The following BRSK2 variants were observed in gnomAD, a reference collection of about 807,000 sequenced individuals.
The protein encoded by BRSK2 is BR serine/threonine kinase 2.
Under a neutral mutation model 83.3 loss-of-function variants are expected in BRSK2, and 19 were observed. That is an observed-to-expected ratio of 0.23 (90% CI 0.16 to 0.33). The LOEUF is 0.33. BRSK2 is among the 10% of genes least tolerant of loss of function. The pLI is 1.00. For synonymous variants in BRSK2, 519 were observed against 435.4 expected, an observed-to-expected ratio of 1.19 and a Z score of -2.39; for missense variants, 798 against 1,042.3, an observed-to-expected ratio of 0.77 and a Z score of 3.23.
chr11:1,461,214 C>T lies in BRSK2; in HGVS notation c.*491C>T. 3.1e-6 allele frequency: 2 copies of T among 636,730 alleles called. No individual in the cohort carries two copies. Among genetic ancestry groups the T allele is most frequent in the Non-Finnish European group, 5.2e-6 (2 of 385,448 alleles). The allele number at this position is 636,730 out of a possible 1,614,324, so 39.4% of individuals were successfully genotyped here. A position where few individuals can be genotyped will look rare whatever the true frequency, so the allele number is the denominator to read the frequency against. On this transcript the variant is annotated 3_prime_UTR_variant, in exon 20 of 20. Coordinates refer to ENST00000528841, the MANE Select transcript of BRSK2 (RefSeq NM_001256627.2). ...CCGGACTCCCGGTCACCTGACCCCT[C>T]AGCAAGAACAGCCTGCCTGGTGGCC...
chr11:1,425,881 C>T (rs953391173), intron 1 of BRSK2, among the ~76,000 whole-genome samples: 1 of 152,068 alleles, frequency 6.6e-6, no homozygotes, highest in African/African-American at 2.4e-5. Context: ...GTGGGGGGAA[C>T]GCTGAGTTTC....
At chr11:1,458,154 G>C (rs1464583331) in intron 18 of BRSK2, among the ~76,000 whole-genome samples, 1 of 152,098 alleles carries the variant, frequency 6.6e-6, no homozygotes. Context: ...CGGGCCCCGG[G>C]GTACTGCCCA....
chr11:1,390,239 T>A lies in BRSK2; in HGVS notation c.-46T>A. 4 of 966,228 alleles carry A rather than the reference T, an allele frequency of 4.1e-6. No homozygotes were observed. The highest frequency in any genetic ancestry group is 4.9e-6 in the Non-Finnish European group (4 of 808,228). The allele number at this position is 966,228 out of a possible 1,614,324, so 59.9% of individuals were successfully genotyped here. ...GGGCGGACGCTGGGCGGCCCCTCCC[T>A]GCCCGCGCGCCCGGGCGCCCCTGGC... On this transcript the variant is annotated 5_prime_UTR_variant, in exon 1 of 20. Coordinates refer to ENST00000528841, the MANE Select transcript of BRSK2 (RefSeq NM_001256627.2). The surrounding 1 kb of genome is among the most constrained non-coding windows in gnomAD (Gnocchi z 6.8).
Position 1,390,327 on chromosome 11 carries a change from T to C in BRSK2, c.43T>C (p.Tyr15His). ...GGACGGCGGCGCGCAGCACGCGCAG[T>C]ATGTTGGGCCCTACCGGCTGGAGAA... Reference protein sequence around the residue: ...GKDGGAQHAQYVGPYRLEKTL... With the variant: ...GKDGGAQHAQHVGPYRLEKTL... Residue 15 changes from tyrosine to histidine, a missense_variant, in exon 1 of 20, where the codon TAT becomes CAT. Coordinates refer to ENST00000528841, the MANE Select transcript of BRSK2 (RefSeq NM_001256627.2). The surrounding 1 kb of genome is among the most constrained non-coding windows in gnomAD (Gnocchi z 6.8). 1 of 1,051,582 alleles carries C rather than the reference T, an allele frequency of 9.5e-7. No individual in the cohort carries two copies. The highest frequency in any genetic ancestry group is 4.2e-5 in the South Asian group (1 of 23,628). 65.1% of individuals were successfully genotyped at this position (1,051,582 alleles called of 1,614,324 possible). A position where few individuals can be genotyped will look rare whatever the true frequency, so the allele number is the denominator to read the frequency against.
chr11:1,450,237 T>A (rs1845648246), intron 13 of BRSK2, among the ~76,000 whole-genome samples: 1 of 151,634 alleles, frequency 6.6e-6, no homozygotes, highest in African/African-American at 2.4e-5. Flanking sequence ...AGGAAGCTTG[T>A]CCTGCCCCCA....
intron 1 of BRSK2, among the ~76,000 whole-genome samples, chr11:1,427,295 G>A (rs1040952759): frequency 5.0e-4 from 76 of 152,164 alleles, no homozygotes; most frequent in Non-Finnish European, 1.9e-4. Context: ...CTGCTGCCTC[G>A]CCCGGCCCAG....
chr11:1,404,846 G>T (rs1465885703), intron 1 of BRSK2, among the ~76,000 whole-genome samples: 2 of 152,258 alleles, frequency 1.3e-5, no homozygotes, highest in Middle Eastern at 3.4e-3. Flanking sequence ...CAGGCTCGCC[G>T]GGCTGGGGGC....
intron 13 of BRSK2, among the ~76,000 whole-genome samples, chr11:1,450,360 G>A (rs888506948): frequency 1.2e-4 from 18 of 152,032 alleles, no homozygotes; most frequent in East Asian, 3.9e-4. Context: ...GCCGCCCTGC[G>A]GCCCGACCCC....
chr11:1,408,967 G>GGTGTGT (rs149657655), intron 1 of BRSK2, among the ~76,000 whole-genome samples: 8 of 120,906 alleles, frequency 6.6e-5, no homozygotes, highest in Non-Finnish European at 1.2e-4. Flanking sequence ...TGCCTGTGCA[G>GGTGTGT]GTGTGTGTGT....
chr11:1,414,109 A>G (rs552961290), intron 1 of BRSK2, among the ~76,000 whole-genome samples: 17 of 152,384 alleles, frequency 1.1e-4, no homozygotes, highest in Middle Eastern at 3.4e-3. Context: ...GCCTTCAAAC[A>G]TAAAGATATT....
rs1846274981 is a variant in BRSK2, at chr11:1,454,795, A to AG, written c.1668+191dup. Among the ~76,000 whole-genome samples, 1 of 152,024 alleles carries AG rather than the reference A, an allele frequency of 6.6e-6. No individual in the cohort carries two copies. Among genetic ancestry groups the AG allele is most frequent in the South Asian group, 2.1e-4 (1 of 4,826 alleles). ...TCTCTCCTGCCCACCCTCGTGAGGG[A>AG]GGGGTCACTGCCCATCTGGGGTGCT... is the stretch of plus-strand genomic sequence containing the variant. On this transcript the variant is annotated intron_variant, in intron 16 of 19. Transcript: ENST00000528841. This position sits in a 1 kb window ranked among gnomAD's most constrained non-coding sequence, Gnocchi z 5.2.
chr11:1,456,034 T>A (rs1846485863), intron 16 of BRSK2, among the ~76,000 whole-genome samples: 1 of 152,116 alleles, frequency 6.6e-6, no homozygotes, highest in Non-Finnish European at 1.5e-5. Flanking sequence ...AGGGGTCACC[T>A]TCCACCTCCA....
rs563492772 is a variant in BRSK2 at position 1,438,878 on chromosome 11, C to T, written c.272+487C>T. On this transcript the variant is annotated intron_variant, in intron 3 of 19. Coordinates refer to ENST00000528841, the MANE Select transcript of BRSK2 (RefSeq NM_001256627.2). This position sits in a 1 kb window ranked among gnomAD's most constrained non-coding sequence, Gnocchi z 6.4. ...GTGGCTGAAAGTGTCACCTCCGCAG[C>T]CGCTGAGGCCAGCAGAAATCCCTAC... is the stretch of plus-strand genomic sequence containing the variant. Among the ~76,000 whole-genome samples, 2 of 152,320 alleles carry T rather than the reference C, an allele frequency of 1.3e-5. No individual in the cohort carries two copies. The highest frequency in any genetic ancestry group is 4.8e-5 in the African/African-American group (2 of 41,572).
intron 1 of BRSK2, among the ~76,000 whole-genome samples, chr11:1,429,477 C>T (rs1242195669): frequency 1.3e-5 from 2 of 152,198 alleles, no homozygotes; most frequent in East Asian, 1.9e-4. Flanking sequence ...CGTGGCCACA[C>T]GTGCTGTCCC....
At position 1,438,441 on chromosome 11, in the gene BRSK2, C is replaced by T. The variant is rs374449833; in HGVS notation, c.272+50C>T. 2.2e-5 allele frequency: 34 copies of T among 1,549,314 alleles called. No homozygotes were observed. The highest frequency in any genetic ancestry group is 8.4e-5 in the Admixed American group (5 of 59,752). On this transcript the variant is annotated intron_variant, in intron 3 of 19. Coordinates refer to ENST00000528841, the MANE Select transcript of BRSK2 (RefSeq NM_001256627.2). This position sits in a 1 kb window ranked among gnomAD's most constrained non-coding sequence, Gnocchi z 6.4. Reference sequence around the variant, plus strand: ...CTGGGGTGGCGGAGGTGGCAGCTGTCGCTGCAGGGGTGGGTGTCTGGGGCT... The same window carrying T: ...CTGGGGTGGCGGAGGTGGCAGCTGTTGCTGCAGGGGTGGGTGTCTGGGGCT...
Position 1,454,412 on chromosome 11 carries a change from C to T in BRSK2, c.1545-73C>T. 6.4e-7 allele frequency: 1 copy of T among 1,573,070 alleles called. No individual in the cohort carries two copies. Among genetic ancestry groups the T allele is most frequent in the Non-Finnish European group, 8.7e-7 (1 of 1,148,862 alleles). On this transcript the variant is annotated intron_variant, in intron 15 of 19. Coordinates refer to ENST00000528841, the MANE Select transcript of BRSK2 (RefSeq NM_001256627.2). The surrounding 1 kb of genome is among the most constrained non-coding windows in gnomAD (Gnocchi z 5.2). ...ATGGAAGATTCCGCCGTTCCAACCC[C>T]AGATTCGAGGGAGGCAGGGGTGTGG...
At chr11:1,459,503 C>A in intron 19 of BRSK2, 2 of 518,728 alleles carry the variant, frequency 3.9e-6, no homozygotes, top group Non-Finnish European at 3.5e-6. Context: ...AAGGGGCTCC[C>A]AAGGCCTGAA....
chr11:1,445,125 G>C (rs77922004), intron 9 of BRSK2, 123 bp downstream of exon 9: 15,375 of 1,495,518 alleles, frequency 0.01, 405 homozygotes, highest in African/African-American at 0.082. Context: ...TTGGCCCTCC[G>C]TGGCCTGCGC....
Position 1,456,517 on chromosome 11 carries a change from C to T in BRSK2, c.1838C>T (p.Thr613Ile). ...KENGIYSVTFTLLSGPSRRFK... is the reference protein window; with the variant it reads ...KENGIYSVTFILLSGPSRRFK... ...AACGGCATCTACTCCGTCACCTTCA[C>T]CCTGCTCTCAGGTGAGCTGGCGCCC... is the stretch of plus-strand genomic sequence containing the variant. The change falls in exon 17 of 20, where the codon ACC (threonine) becomes ATC (isoleucine). Residue 613 changes from threonine (T) to isoleucine (I), a missense_variant. Thr to Ile is a moderately conservative substitution (Grantham distance 89). This residue lies in a region of BRSK2 where 455 missense variants were observed against 455.2 expected (regional missense o/e 1.00). Coordinates refer to ENST00000528841, the MANE Select transcript of BRSK2 (RefSeq NM_001256627.2). The T allele has an allele frequency of 3.8e-6, 6 of 1,585,568 alleles. No individual in the cohort carries two copies. Among genetic ancestry groups the T allele is most frequent in the Non-Finnish European group, 5.1e-6 (6 of 1,165,164 alleles).
Sources: gnomAD v4.1 joint callset for allele counts (sites outside exome capture counted in the v4.1 genomes callset) on GRCh38, gnomAD v4.1.1 for gene constraint, gnomAD v4.1.1 regional missense constraint, Gnocchi (gnomAD v3.1) non-coding constraint, MANE v1.5 for transcripts, NCBI Gene and HGNC (gene_info 2026-07-23, HGNC 2026-07-21) for gene names.